PHACTR2: variants seen among roughly 807,000 people sequenced by gnomAD.
PHACTR2 encodes the protein phosphatase and actin regulator 2.
PHACTR2 carries 30 observed loss-of-function variants against 76.0 expected under a neutral mutation model. The observed-to-expected ratio is 0.39, with a 90% CI of 0.30 to 0.54. The LOEUF is 0.54. Among genes scored for constraint, PHACTR2 ranks in the 20% least tolerant of loss-of-function variants. The pLI, the probability that PHACTR2 is intolerant of heterozygous loss-of-function variation, is 0.61. For synonymous variants in PHACTR2, 292 were observed against 292.5 expected (o/e 1.00, Z 0.02); for missense variants, 696 against 781.1 (o/e 0.89, Z 1.30).
Position 143,641,693 on chromosome 6 carries a change from A to G in PHACTR2, c.13+33371A>G, listed in dbSNP as rs1179355583. ...AGCTAATTTTGTATTTTGAATAGAG[A>G]CGGGGTTTCTCCATGTTGGTCAGGC... is the stretch of plus-strand genomic sequence containing the variant. On this transcript the variant is annotated intron_variant, in intron 1 of 11. Transcript: ENST00000305766. The surrounding 1 kb of genome is among the most constrained non-coding windows in gnomAD (Gnocchi z 5.8). Among the ~76,000 whole-genome samples, 2 of 151,988 alleles carry G rather than the reference A, an allele frequency of 1.3e-5. No individual in the cohort carries two copies. Among genetic ancestry groups the G allele is most frequent in the African/African-American group, 2.4e-5 (1 of 41,384 alleles).
At chr6:143,538,093 T>TATAC (rs1781135252) in intron 1 of PHACTR2, among the ~76,000 whole-genome samples, 1 of 150,562 alleles carries the variant, frequency 6.6e-6, no homozygotes, top group Non-Finnish European at 1.5e-5. Flanking sequence ...GACTCCGTCT[T>TATAC]ACACACACAC....
At chr6:143,606,961 A>T (rs1775884223), upstream of PHACTR2, among the ~76,000 whole-genome samples, 1 of 152,198 alleles carries the variant, frequency 6.6e-6, no homozygotes, top group African/African-American at 2.4e-5. Context: ...GTTTTGTTTA[A>T]ACAATAAAAG....
rs1284729616 is a variant in PHACTR2, at chr6:143,624,097, T to G, written c.13+15775T>G. Among the ~76,000 whole-genome samples, 1 of 151,048 alleles carries G rather than the reference T, an allele frequency of 6.6e-6. No homozygotes were observed. The highest frequency in any genetic ancestry group is 1.5e-5 in the Non-Finnish European group (1 of 67,762). On this transcript the variant is annotated intron_variant, in intron 1 of 11. Coordinates refer to the PHACTR2 transcript ENST00000305766. This position sits in a 1 kb window ranked among gnomAD's most constrained non-coding sequence, Gnocchi z 4.6. The stretch of plus-strand genomic sequence containing the variant: ...GCTCTGAAATCTTGTTAATTTTTTT[T>G]GTTGTTTTTTTTGTTTGTTTGTTTG...
In PHACTR2 at chr6:143,757,268, A is replaced by T. The variant is rs1366843531; in HGVS notation, c.455-3133A>T. ...AAATGGCCTTTGCCTTAAGAGCATG[A>T]CCTGTGAGGAGACCAGAATGCAAAC... On this transcript the variant is annotated intron_variant, in intron 4 of 12. Transcript: ENST00000440869. The surrounding 1 kb of genome is among the most constrained non-coding windows in gnomAD (Gnocchi z 4.2). Among the ~76,000 whole-genome samples the T allele has an allele frequency of 2.0e-5, 3 of 152,186 alleles. No individual in the cohort carries two copies. The highest frequency in any genetic ancestry group is 7.2e-5 in the African/African-American group (3 of 41,460).
chr6:143,631,577 T>C (rs1030229859), intron 1 of PHACTR2, among the ~76,000 whole-genome samples: 3 of 152,142 alleles, frequency 2.0e-5, no homozygotes, highest in Non-Finnish European at 4.4e-5. Context: ...AGTTACTTTG[T>C]ATTAAATTGA....
chr6:143,615,530 G>C (rs995214404), intron 1 of PHACTR2, among the ~76,000 whole-genome samples: 1 of 152,104 alleles, frequency 6.6e-6, no homozygotes, highest in Non-Finnish European at 1.5e-5. Context: ...TAGTTGTGAA[G>C]TGTTTCTTTC....
rs1405697928 is a variant in PHACTR2 at position 143,820,863 on chromosome 6, G to A, written c.1923-2811G>A. ...CAGTAGGCTTCTGCCTGGACACCCA[G>A]GCTTTTCCATGTATCCCCTGAAATC... On this transcript the variant is annotated intron_variant, in intron 12 of 12. Coordinates refer to ENST00000440869, the MANE Select transcript of PHACTR2 (RefSeq NM_001100164.2). The surrounding 1 kb of genome is among the most constrained non-coding windows in gnomAD (Gnocchi z 4.2). Among the ~76,000 whole-genome samples, 1 of 152,232 alleles carries A rather than the reference G, an allele frequency of 6.6e-6. No individual in the cohort carries two copies. Among genetic ancestry groups the A allele is most frequent in the Non-Finnish European group, 1.5e-5 (1 of 68,038 alleles).
intron 2 of PHACTR2, among the ~76,000 whole-genome samples, chr6:143,737,179 CAA>C (rs1778841824): frequency 6.6e-6 from 1 of 151,224 alleles, no homozygotes; most frequent in South Asian, 2.1e-4. Flanking sequence ...ATACAGGAAA[CAA>C]TATAGGACAA....
Position 143,825,279 on chromosome 6 carries a change from C to T in PHACTR2, c.*1590C>T, listed in dbSNP as rs1223612134. On this transcript the variant is annotated 3_prime_UTR_variant, in exon 13 of 13. Transcript: ENST00000440869. The surrounding 1 kb of genome is among the most constrained non-coding windows in gnomAD (Gnocchi z 4.1). ...TTTCAACCGAAAAGTAAGCATTTAA[C>T]CCGGTGAATAAATGTAGATCCTGCC... 1 of 152,154 alleles carries T rather than the reference C, an allele frequency of 6.6e-6. No homozygotes were observed. Among genetic ancestry groups the T allele is most frequent in the African/African-American group, 2.4e-5 (1 of 41,428 alleles). The allele number at this position is 152,154 out of a possible 1,614,324, so 9.4% of individuals were successfully genotyped here.
rs561404683 is a variant in PHACTR2 at position 143,538,602 on chromosome 6, G to A, written c.217+1395G>A. Among the ~76,000 whole-genome samples, 12 of 152,270 alleles carry A rather than the reference G, an allele frequency of 7.9e-5. No homozygotes were observed. In the East Asian group the frequency reaches 2.1e-3, roughly 27 times the overall value. ...CCCTGGTTTTCAGGCTCTGTGCTCC[G>A]GGATCAGGCCTTCTTTGGGTTCTAA... On this transcript the variant is annotated intron_variant, in intron 1 of 11. Coordinates refer to the PHACTR2 transcript ENST00000367584.
rs1426370058 is a variant in PHACTR2 at position 143,627,910 on chromosome 6, C to T, written c.13+19588C>T. ...GGTTCCAAAGCCTTTTCATCTACCT[C>T]AAGAAAACCCTATACCCATTGTGCA... On this transcript the variant is annotated intron_variant, in intron 1 of 11. Transcript: ENST00000305766. This position sits in a 1 kb window ranked among gnomAD's most constrained non-coding sequence, Gnocchi z 4.3. 6.6e-6 allele frequency among the ~76,000 whole-genome samples: 1 copy of T among 152,170 alleles called. No homozygotes were observed. The highest frequency in any genetic ancestry group is 2.4e-5 in the African/African-American group (1 of 41,442).
Position 143,581,858 on chromosome 6 carries a change from A to G in PHACTR2, c.217+44651A>G, listed in dbSNP as rs1411084417. Among the ~76,000 whole-genome samples, 3 of 152,128 alleles carry G rather than the reference A, an allele frequency of 2.0e-5. No homozygotes were observed. The highest frequency in any genetic ancestry group is 7.2e-5 in the African/African-American group (3 of 41,430). On this transcript the variant is annotated intron_variant, in intron 1 of 11. Transcript: ENST00000367584. This position sits in a 1 kb window ranked among gnomAD's most constrained non-coding sequence, Gnocchi z 4.5. ...CCTCCCCACCCCTCAAAAAGGAAAG[A>G]AAGTTATCCTGCCCTTGCCTAGACT... is the stretch of plus-strand genomic sequence containing the variant.
rs1006551501 is a variant in PHACTR2, at chr6:143,739,962, T to C, written c.215-9023T>C. ...AAGACCCCAAGAGAGGGTTCTTGGA[T>C]CTCGGACAAGAAAGAATTCAGGGGG... On this transcript the variant is annotated intron_variant, in intron 2 of 12. Transcript: ENST00000440869. The surrounding 1 kb of genome is among the most constrained non-coding windows in gnomAD (Gnocchi z 4.3). Among the ~76,000 whole-genome samples the C allele has an allele frequency of 2.2e-4, 33 of 152,150 alleles. No homozygotes were observed. The highest frequency in any genetic ancestry group is 3.1e-4 in the Non-Finnish European group (21 of 68,038).
chr6:143,760,503 C>G lies in PHACTR2; in HGVS notation c.557C>G (p.Pro186Arg). 1 of 1,613,932 alleles carries G rather than the reference C, an allele frequency of 6.2e-7. No homozygotes were observed. Residue 186 changes from proline (P) to arginine (R), a missense_variant, in exon 5 of 13, where the codon CCT (proline) becomes CGT (arginine). Transcript: ENST00000440869. The surrounding 1 kb of genome is among the most constrained non-coding windows in gnomAD (Gnocchi z 6.4). ...CCTAAACCCAAAAAATCACCTGTGC[C>G]TCCGAAAGGGGCCACTGCTGGGGCC... ...PKPKPKKSPV[P>R]PKGATAGASH...
Position 143,765,919 on chromosome 6 carries a change from G to T in PHACTR2, c.1232+121G>T. 1 of 802,362 alleles carries T rather than the reference G, an allele frequency of 1.2e-6. No homozygotes were observed. Among genetic ancestry groups the T allele is most frequent in the East Asian group, 2.7e-5 (1 of 37,478 alleles). The allele number at this position is 802,362 out of a possible 1,614,324, so 49.7% of individuals were successfully genotyped here. A position where few individuals can be genotyped will look rare whatever the true frequency, so the allele number is the denominator to read the frequency against. Reference sequence around the variant, plus strand: ...ATTTAATCTACTGAGTGTTAGGTAGGCATACATGTGATCCAACCATTGCTT... The same window carrying T: ...ATTTAATCTACTGAGTGTTAGGTAGTCATACATGTGATCCAACCATTGCTT... On this transcript the variant is annotated intron_variant, in intron 6 of 12. Transcript: ENST00000440869. The surrounding 1 kb of genome is among the most constrained non-coding windows in gnomAD (Gnocchi z 4.1).
At chr6:143,551,654 G>A (rs1703730958) in intron 1 of PHACTR2, among the ~76,000 whole-genome samples, 1 of 152,170 alleles carries the variant, frequency 6.6e-6, no homozygotes, top group Non-Finnish European at 1.5e-5. Context: ...CTTCTAGGGA[G>A]ACTAAAGATG....
Position 143,599,767 on chromosome 6 carries a change from C to A in PHACTR2, c.217+62560C>A, listed in dbSNP as rs1021320611. Among the ~76,000 whole-genome samples, 1 of 152,122 alleles carries A rather than the reference C, an allele frequency of 6.6e-6. No individual in the cohort carries two copies. The highest frequency in any genetic ancestry group is 1.5e-5 in the Non-Finnish European group (1 of 68,014). On this transcript the variant is annotated intron_variant, in intron 1 of 11. Coordinates refer to the PHACTR2 transcript ENST00000367584. This position sits in a 1 kb window ranked among gnomAD's most constrained non-coding sequence, Gnocchi z 4.6. ...GCTGTATTAAGACATACCACCCTTTCTTTATAGAGTCATGAGTCTGCAAGG... is the reference window on the plus strand; with the variant it reads ...GCTGTATTAAGACATACCACCCTTTATTTATAGAGTCATGAGTCTGCAAGG...
chr6:143,822,591 A>G lies in PHACTR2; in HGVS notation c.1923-1083A>G, dbSNP rs1415518882. 6.6e-6 allele frequency among the ~76,000 whole-genome samples: 1 copy of G among 152,214 alleles called. No homozygotes were observed. The highest frequency in any genetic ancestry group is 1.5e-5 in the Non-Finnish European group (1 of 68,038). ...GATAGTGTGAGCAACAGTGAGGAGC[A>G]TAGATTTGATGGAGAGAGCCTGGGA... is the stretch of plus-strand genomic sequence containing the variant. On this transcript the variant is annotated intron_variant, in intron 12 of 12. Coordinates refer to ENST00000440869, the MANE Select transcript of PHACTR2 (RefSeq NM_001100164.2). This position sits in a 1 kb window ranked among gnomAD's most constrained non-coding sequence, Gnocchi z 5.5.
intron 1 of PHACTR2, among the ~76,000 whole-genome samples, chr6:143,693,897 G>A (rs148278874): frequency 9.2e-5 from 14 of 152,160 alleles, no homozygotes; most frequent in Admixed American, 2.0e-4. Flanking sequence ...GGCGAAACCC[G>A]TCTATACAAA....
Sources: gnomAD v4.1 joint callset for allele counts (sites outside exome capture counted in the v4.1 genomes callset) on GRCh38, gnomAD v4.1.1 for gene constraint, Gnocchi (gnomAD v3.1) non-coding constraint, MANE v1.5 for transcripts, NCBI Gene and HGNC (gene_info 2026-07-23, HGNC 2026-07-21) for gene names.